NPFFR1: variants seen among roughly 807,000 people sequenced by gnomAD.
The protein encoded by NPFFR1 is neuropeptide FF receptor 1.
Under a neutral mutation model 12.7 loss-of-function variants are expected in NPFFR1, and 17 were observed. The observed-to-expected ratio is 1.34, with a 90% CI of 0.92 to 2.01. The LOEUF (loss-of-function observed/expected upper bound fraction) is 2.01. Among genes scored for constraint, NPFFR1 ranks in the 30% most tolerant of loss-of-function variants. The pLI is 0.00. For missense variants in NPFFR1, 604 were observed against 606.5 expected (o/e 1.00, Z 0.04); for synonymous variants, 296 against 264.5 (o/e 1.12, Z -1.16).
chr10:70,272,125 G>GAAA (rs1840749243), intron 1 of NPFFR1, among the ~76,000 whole-genome samples: 2 of 107,210 alleles, frequency 1.9e-5, no homozygotes, highest in Non-Finnish European at 3.7e-5. Context: ...TCAAAAAAGA[G>GAAA]AAAGAAAGAA....
chr10:70,258,335 C>T (rs1248416567), intron 3 of NPFFR1, among the ~76,000 whole-genome samples: 1 of 151,416 alleles, frequency 6.6e-6, no homozygotes, highest in African/African-American at 2.4e-5. Context: ...GAGAAGTCTA[C>T]TGTGCAACCA....
In NPFFR1 at chr10:70,254,882, C is replaced by G. The variant is rs918319223; in HGVS notation, c.*75G>C. 2.2e-6 allele frequency: 3 copies of G among 1,362,612 alleles called. No individual in the cohort carries two copies. Among genetic ancestry groups the G allele is most frequent in the African/African-American group, 3.1e-5 (2 of 65,022 alleles). The allele number at this position is 1,362,612 out of a possible 1,614,324, so 84.4% of individuals were successfully genotyped here. A position where few individuals can be genotyped will look rare whatever the true frequency, so the allele number is the denominator to read the frequency against. On this transcript the variant is annotated 3_prime_UTR_variant, in exon 4 of 4. Transcript: ENST00000277942. The stretch of plus-strand genomic sequence containing the variant: ...ACCACGCATCCTCACCTAACCACAC[C>G]AGGCCGCTATCGCCTGCATGTATCT...
intron 3 of NPFFR1, among the ~76,000 whole-genome samples, chr10:70,256,351 G>A (rs1305585666): frequency 6.6e-6 from 1 of 152,194 alleles, no homozygotes; most frequent in Non-Finnish European, 1.5e-5. Flanking sequence ...CGAATTTCTG[G>A]GATTATAGAT....
chr10:70,260,729 G>A lies in NPFFR1; in HGVS notation c.333C>T (p.Phe111=), dbSNP rs753137327. 1.6e-5 allele frequency: 25 copies of A among 1,600,050 alleles called. No individual in the cohort carries two copies. Among genetic ancestry groups the A allele is most frequent in the Admixed American group, 5.2e-5 (3 of 57,654 alleles). The change falls in exon 3 of 4, where the codon TTC becomes TTT. Residue 111 remains phenylalanine (F), a synonymous_variant. Coordinates refer to ENST00000277942, the MANE Select transcript of NPFFR1 (RefSeq NM_022146.5). ...LVDNLITGWP[F]DNATCKMSGL... is the part of the protein sequence containing the mutation. Reference sequence around the variant, plus strand: ...CGCTCATCTTGCATGTGGCATTGTCGAAGGGCCACCCTGCAATGACAGAGG... The same window carrying A: ...CGCTCATCTTGCATGTGGCATTGTCAAAGGGCCACCCTGCAATGACAGAGG...
intron 1 of NPFFR1, among the ~76,000 whole-genome samples, chr10:70,276,053 ATC>A (rs1163192735): frequency 3.3e-5 from 5 of 152,156 alleles, no homozygotes; most frequent in African/African-American, 1.2e-4. Flanking sequence ...CTCTTTGGGT[ATC>A]ATCAGGTCAC....
chr10:70,282,588 G>T (rs950979207), intron 1 of NPFFR1, among the ~76,000 whole-genome samples: 1 of 152,118 alleles, frequency 6.6e-6, no homozygotes, highest in Non-Finnish European at 1.5e-5. Context: ...TTGGAATTTT[G>T]GGGTTTTATT....
chr10:70,248,154 A>G lies in NPFFR1; in HGVS notation c.*6803T>C, dbSNP rs7071816. ...AGCTTGGGGAATGGCAAAAACCTGG[A>G]CTTTGTGGTCAGATAGACTAAGGTT... On this transcript the variant is annotated 3_prime_UTR_variant, in exon 4 of 4. Transcript: ENST00000277942. 0.99 allele frequency: 151,245 copies of G among 152,336 alleles called. 75,090 individuals carry two copies. Among genetic ancestry groups the G allele is most frequent in the Middle Eastern group, 1 (294 of 294 alleles). 9.4% of individuals were successfully genotyped at this position (152,336 alleles called of 1,614,324 possible). A position where few individuals can be genotyped will look rare whatever the true frequency, so the allele number is the denominator to read the frequency against.
Position 70,266,358 on chromosome 10 carries a change from GGCCAACT to G in NPFFR1, c.34_40del (p.Ser12ProfsTer2). ...AGTGTTAGTCCCATTCTGACTTAGG[GGCCAACT>G]GCTGTTGGGAGGCTGGGAGGGCTCC... On this transcript the variant is annotated frameshift_variant, in exon 2 of 4. Coordinates refer to ENST00000277942, the MANE Select transcript of NPFFR1 (RefSeq NM_022146.5). LOFTEE classifies it high-confidence loss of function. 3 of 1,613,538 alleles carry G rather than the reference GGCCAACT, an allele frequency of 1.9e-6. No individual in the cohort carries two copies. The highest frequency in any genetic ancestry group is 2.5e-6 in the Non-Finnish European group (3 of 1,179,732).
At chr10:70,282,121 G>C (rs938920449) in intron 1 of NPFFR1, among the ~76,000 whole-genome samples, 1 of 152,054 alleles carries the variant, frequency 6.6e-6, no homozygotes, top group African/African-American at 2.4e-5. Context: ...AATACCTCTG[G>C]GTCGCTGGGA....
Position 70,283,532 on chromosome 10 carries a change from TCA to T in NPFFR1, c.7+136_7+137del, listed in dbSNP as rs1840884224. 10 of 879,322 alleles carry T rather than the reference TCA, an allele frequency of 1.1e-5. No homozygotes were observed. In the South Asian group the frequency reaches 1.3e-4, roughly 11 times the overall value. The allele number at this position is 879,322 out of a possible 1,614,324, so 54.5% of individuals were successfully genotyped here. On this transcript the variant is annotated intron_variant, in intron 1 of 3. Coordinates refer to ENST00000277942, the MANE Select transcript of NPFFR1 (RefSeq NM_022146.5). ...CCCTCACTCAGTGTCTCTGTCTCTG[TCA>T]CACACAGAGTGTCACAACGTCTGGC...
At chr10:70,270,338 T>C (rs1056538323) in intron 1 of NPFFR1, among the ~76,000 whole-genome samples, 7 of 152,156 alleles carry the variant, frequency 4.6e-5, no homozygotes, top group Non-Finnish European at 7.4e-5. Context: ...GAGGCATCAC[T>C]CATCCCAGCA....
At chr10:70,273,511 A>G (rs1840770485) in intron 1 of NPFFR1, among the ~76,000 whole-genome samples, 1 of 152,156 alleles carries the variant, frequency 6.6e-6, no homozygotes, top group Admixed American at 6.5e-5. Context: ...AGAGCCCTGG[A>G]TTTTGGCACA....
intron 3 of NPFFR1, among the ~76,000 whole-genome samples, chr10:70,258,489 A>G (rs767143631): frequency 3.9e-5 from 6 of 152,176 alleles, no homozygotes; most frequent in Non-Finnish European, 7.3e-5. Flanking sequence ...AGATAAATGC[A>G]TGAATGACCA....
intron 3 of NPFFR1, among the ~76,000 whole-genome samples, chr10:70,258,408 G>A (rs979945352): frequency 3.3e-5 from 5 of 152,070 alleles, no homozygotes; most frequent in South Asian, 2.1e-4. Flanking sequence ...GTTCAAAGAC[G>A]ATTGCTCAAC....
Position 70,247,666 on chromosome 10 carries a change from A to G in NPFFR1, c.*7291T>C, listed in dbSNP as rs1185393910. ...AACACCACCACTGGCTATGTGACAG[A>G]TAAACTAATTTGCCCAAATCACTAA... On this transcript the variant is annotated 3_prime_UTR_variant, in exon 4 of 4. Transcript: ENST00000277942. 6.6e-6 allele frequency: 1 copy of G among 152,236 alleles called. No individual in the cohort carries two copies. The highest frequency in any genetic ancestry group is 1.5e-5 in the Non-Finnish European group (1 of 68,034). The allele number at this position is 152,236 out of a possible 1,614,324, so 9.4% of individuals were successfully genotyped here.
chr10:70,259,455 C>A (rs1443996309), intron 3 of NPFFR1, among the ~76,000 whole-genome samples: 2 of 152,092 alleles, frequency 1.3e-5, no homozygotes, highest in Non-Finnish European at 2.9e-5. Context: ...AAGAATACTG[C>A]AAACACCACT....
At chr10:70,268,627 G>C (rs1589913582) in intron 1 of NPFFR1, among the ~76,000 whole-genome samples, 1 of 152,302 alleles carries the variant, frequency 6.6e-6, no homozygotes, top group South Asian at 2.1e-4. Context: ...CTGGCCATTG[G>C]CTGGGATGTC....
chr10:70,259,822 C>CAA (rs1840614807), intron 3 of NPFFR1, among the ~76,000 whole-genome samples: 1 of 152,210 alleles, frequency 6.6e-6, no homozygotes, highest in African/African-American at 2.4e-5. Flanking sequence ...TGAAGCCTCC[C>CAA]AACCATCCTG....
chr10:70,282,526 T>C (rs1388027367), intron 1 of NPFFR1, among the ~76,000 whole-genome samples: 3 of 152,198 alleles, frequency 2.0e-5, no homozygotes, highest in African/African-American at 7.2e-5. Flanking sequence ...CCTCACAAGA[T>C]TTTCTATAAA....
Sources: gnomAD v4.1 joint callset for allele counts (sites outside exome capture counted in the v4.1 genomes callset) on GRCh38, gnomAD v4.1.1 for gene constraint, MANE v1.5 for transcripts, NCBI Gene and HGNC (gene_info 2026-07-23, HGNC 2026-07-21) for gene names.